The following YBX3 variants were observed in gnomAD, a reference collection of about 807,000 sequenced individuals.
YBX3 encodes Y-box-binding protein 3.
YBX3 carries 29 observed loss-of-function variants against 42.4 expected under a neutral mutation model. The ratio of observed to expected loss-of-function variants is 0.68; its 90% CI spans 0.51 to 0.93. The LOEUF is 0.93. YBX3 is among the 40% of genes least tolerant of loss of function. The probability of loss-of-function intolerance (pLI) is 0.00; values close to 1 mark genes in which losing one functional copy is unlikely to be tolerated. For synonymous variants in YBX3, 195 were observed against 189.8 expected (o/e 1.03, Z -0.22); for missense variants, 517 against 527.5 (o/e 0.98, Z 0.19).
chr12:10,706,445 A>C (rs1219388693), intron 6 of YBX3, among the ~76,000 whole-genome samples: 1 of 152,128 alleles, frequency 6.6e-6, no homozygotes, highest in Non-Finnish European at 1.5e-5. Flanking sequence ...ATTCTATTTA[A>C]ACTTTTGTCT....
At chr12:10,719,764 G>A (rs1948304427) in intron 1 of YBX3, among the ~76,000 whole-genome samples, 1 of 152,108 alleles carries the variant, frequency 6.6e-6, no homozygotes, top group South Asian at 2.1e-4. Flanking sequence ...TGATGAATTT[G>A]GGCTTGTTTC....
At chr12:10,710,271 T>G (rs1399258522) in intron 5 of YBX3, 157 bp from the exon 6 acceptor site, 4 of 1,509,196 alleles carry the variant, frequency 2.7e-6, no homozygotes, top group Non-Finnish European at 3.5e-6. Flanking sequence ...GATTATCATG[T>G]GATTGCCTGG....
In YBX3 at chr12:10,713,231, G is replaced by A. The variant is rs761523519; in HGVS notation, c.553C>T (p.Arg185Cys). 47 of 1,612,388 alleles carry A rather than the reference G, an allele frequency of 2.9e-5. No homozygotes were observed. The highest frequency in any genetic ancestry group is 1.7e-4 in the Middle Eastern group (1 of 6,044). Residue 185 changes from arginine to cysteine, a missense_variant, in exon 5 of 10, where the codon CGC becomes TGC. Coordinates refer to ENST00000228251, the MANE Select transcript of YBX3 (RefSeq NM_003651.5). ...CGTACATTCCGGGGAGGGCCACGGC[G>A]CCTTCCATAGTAGCCACGTCTGTAA... ...RRYRRGYYGR[R>C]RGPPRNYAGE... is the part of the protein sequence containing the mutation.
Position 10,713,271 on chromosome 12 carries a change from A to C in YBX3, c.513T>G (p.Ala171=). 6.2e-7 allele frequency: 1 copy of C among 1,614,096 alleles called. No individual in the cohort carries two copies. The highest frequency in any genetic ancestry group is 1.1e-5 in the South Asian group (1 of 91,078). The change falls in exon 5 of 10, where the codon GCT becomes GCG. Residue 171 remains alanine, a synonymous_variant. Transcript: ENST00000228251. ...DGVPVEGSRY[A]ADRRRYRRGY... ...CACGTCTGTAACGGCGCCGATCTGC[A>C]GCGTAACGACTCCCTTCCACAGGAA... is the stretch of plus-strand genomic sequence containing the variant.
rs1292410317 is a variant in YBX3, at chr12:10,701,323, G to A, written c.1084C>T (p.Pro362Ser). Residue 362 changes from proline to serine, a missense_variant, in exon 9 of 10, where the codon CCT becomes TCT. Around this residue, in one of 3 missense-constraint regions of YBX3, gnomAD observed 420 missense variants for 408.5 expected, o/e 1.03. Transcript: ENST00000228251. ...AKAGEAPTEN[P>S]APPTQQSSAE ...CTGCTCTGCTGGGTGGGTGGAGCAGGGTTCTCAGTTGGTGCTTCACCTGCC... is the reference window on the plus strand; with the variant it reads ...CTGCTCTGCTGGGTGGGTGGAGCAGAGTTCTCAGTTGGTGCTTCACCTGCC... The A allele has an allele frequency of 1.3e-6, 1 of 780,940 alleles. No individual in the cohort carries two copies. The highest frequency in any genetic ancestry group is 2.4e-6 in the Non-Finnish European group (1 of 418,122). 48.4% of individuals were successfully genotyped at this position (780,940 alleles called of 1,614,324 possible).
In YBX3 at chr12:10,701,860, T is replaced by A. The variant is rs1440664646; in HGVS notation, c.1053+100A>T. ...TTGAGCAAAATGTTTTTATATTTGT[T>A]AAGTGTCAGGTTTCATGTGATAAAA... On this transcript the variant is annotated intron_variant, in intron 8 of 9. Transcript: ENST00000228251. 4.4e-6 allele frequency: 6 copies of A among 1,353,750 alleles called. No individual in the cohort carries two copies. In the African/African-American group the frequency reaches 8.8e-5, roughly 20 times the overall value. 83.9% of individuals were successfully genotyped at this position (1,353,750 alleles called of 1,614,324 possible).
chr12:10,722,823 GC>G, intron 1 of YBX3, 26 bp downstream of exon 1: 2 of 1,431,742 alleles, frequency 1.4e-6, no homozygotes, highest in South Asian at 1.5e-5. Context: ...CACTACGGCA[GC>G]CCCTGCCCTC....
intron 7 of YBX3, 111 bp from the exon 8 acceptor site, chr12:10,702,245 G>A: frequency 9.3e-7 from 1 of 1,078,408 alleles, no homozygotes; most frequent in Non-Finnish European, 1.3e-6. Context: ...TCAGGGCCAG[G>A]CATGATGGCT....
intron 2 of YBX3, chr12:10,718,459 G>C: frequency 4.3e-6 from 1 of 231,078 alleles, no homozygotes; most frequent in Non-Finnish European, 8.4e-6. Flanking sequence ...ACAGTTAAAA[G>C]GACAGGGCAC....
chr12:10,708,546 G>C (rs1448081617), intron 6 of YBX3, among the ~76,000 whole-genome samples: 1 of 152,142 alleles, frequency 6.6e-6, no homozygotes, highest in Non-Finnish European at 1.5e-5. Flanking sequence ...CTTAGTCAGA[G>C]AGCTAGTAGA....
At chr12:10,715,220 A>C (rs1178953947) in intron 4 of YBX3, among the ~76,000 whole-genome samples, 1 of 152,096 alleles carries the variant, frequency 6.6e-6, no homozygotes, top group Non-Finnish European at 1.5e-5. Flanking sequence ...AAGTATCTTT[A>C]TTGCAGAATG....
rs747459438 is a variant in YBX3, at chr12:10,702,105, G to C, written c.908C>G (p.Pro303Arg). 1.9e-6 allele frequency: 3 copies of C among 1,614,102 alleles called. No individual in the cohort carries two copies. Among genetic ancestry groups the C allele is most frequent in the Non-Finnish European group, 2.5e-6 (3 of 1,179,980 alleles). ...SRGPPRPRPA[P>R]AVGEAEDKEN... ...TTTATCTTCAGCCTCTCCAACTGCT[G>C]GGGCAGGTCGTGGGCGAGGAGGTCC... The change falls in exon 8 of 10, where the codon CCA (proline) becomes CGA (arginine). Residue 303 changes from proline to arginine, a missense_variant. Physicochemically the swap from Pro to Arg is moderately radical, Grantham distance 103. Around this residue, in one of 3 missense-constraint regions of YBX3, gnomAD observed 420 missense variants for 408.5 expected, o/e 1.03. Transcript: ENST00000228251.
chr12:10,718,204 TC>T, intron 2 of YBX3, 83 bp from the exon 3 acceptor site: 1 of 1,215,532 alleles, frequency 8.2e-7, no homozygotes. Flanking sequence ...TGAATTTAAC[TC>T]CCAAGTCCTC....
intron 4 of YBX3, among the ~76,000 whole-genome samples, chr12:10,713,909 G>T (rs1948229212): frequency 6.6e-6 from 1 of 152,132 alleles, no homozygotes; most frequent in Non-Finnish European, 1.5e-5. Context: ...AACAGATTTA[G>T]AATTCTTATT....
intron 5 of YBX3, 65 bp from the exon 6 acceptor site, chr12:10,710,179 T>C: frequency 2.6e-6 from 4 of 1,563,358 alleles, no homozygotes; most frequent in Admixed American, 1.8e-5. Flanking sequence ...AAGAACACCA[T>C]TTAGGATGAA....
In YBX3 at chr12:10,704,069, T is replaced by TA; in HGVS notation, c.859dup (p.Tyr287LeufsTer7). On this transcript the variant is annotated frameshift_variant, in exon 7 of 10. Coordinates refer to ENST00000228251, the MANE Select transcript of YBX3 (RefSeq NM_003651.5). LOFTEE classifies it high-confidence loss of function. ...GACATACCTACGGTACCTTGGGCGG[T>TA]AAGTTGGATTTCGATGAACCGGTCC... The TA allele has an allele frequency of 6.2e-7, 1 of 1,614,138 alleles. No individual in the cohort carries two copies. Among genetic ancestry groups the TA allele is most frequent in the Non-Finnish European group, 8.5e-7 (1 of 1,180,030 alleles).
chr12:10,704,913 T>G (rs943187442), intron 6 of YBX3, among the ~76,000 whole-genome samples: 1 of 152,208 alleles, frequency 6.6e-6, no homozygotes, highest in Non-Finnish European at 1.5e-5. Flanking sequence ...CCCAGTGAAA[T>G]AGCACCCATC....
intron 7 of YBX3, 82 bp downstream of exon 7, chr12:10,703,969 A>G: frequency 2.2e-6 from 3 of 1,357,072 alleles, no homozygotes; most frequent in Non-Finnish European, 3.1e-6. Flanking sequence ...TAATAAATCC[A>G]CAAAACGGAA....
intron 6 of YBX3, among the ~76,000 whole-genome samples, chr12:10,707,820 G>A (rs944316329): frequency 6.6e-6 from 1 of 152,094 alleles, no homozygotes; most frequent in African/African-American, 2.4e-5. Flanking sequence ...TCCTAAGTAA[G>A]CTCGGCCATT....
Sources: gnomAD v4.1 joint callset for allele counts (sites outside exome capture counted in the v4.1 genomes callset) on GRCh38, gnomAD v4.1.1 for gene constraint, gnomAD v4.1.1 regional missense constraint, MANE v1.5 for transcripts, NCBI Gene and HGNC (gene_info 2026-07-23, HGNC 2026-07-21) for gene names.